SPDYA: variants seen among roughly 807,000 people sequenced by gnomAD.
SPDYA encodes speedy/RINGO cell cycle regulator family member A, also known as speedy protein A.
A neutral mutation model predicts 36.7 loss-of-function variants in SPDYA; 11 were observed. The observed-to-expected ratio is 0.30, with a 90% CI of 0.19 to 0.50. The LOEUF (loss-of-function observed/expected upper bound fraction) is 0.50, where lower values mean the gene tolerates loss of function less well. SPDYA is among the 20% of genes least tolerant of loss of function. The pLI is 0.98. For synonymous variants in SPDYA, 115 were observed against 118.7 expected (o/e 0.97, Z 0.20); for missense variants, 287 against 370.9 (o/e 0.77, Z 1.86).
chr2:28,815,554 A>T (rs960931732), intron 2 of SPDYA, among the ~76,000 whole-genome samples: 4 of 152,030 alleles, frequency 2.6e-5, no homozygotes, highest in Non-Finnish European at 5.9e-5. Flanking sequence ...ATACTTGATA[A>T]TACATTCTGG....
intron 5 of SPDYA, among the ~76,000 whole-genome samples, chr2:28,827,087 C>T (rs796895553): frequency 3.3e-5 from 5 of 151,818 alleles, no homozygotes; most frequent in African/African-American, 9.7e-5. Context: ...TACTGGCGCC[C>T]GCCACCACGC....
intron 3 of SPDYA, among the ~76,000 whole-genome samples, chr2:28,816,718 A>T (rs1572488292): frequency 6.6e-6 from 1 of 152,308 alleles, no homozygotes; most frequent in South Asian, 2.1e-4. Flanking sequence ...TTAAAAATTA[A>T]CTATGCTTTA....
intron 7 of SPDYA, among the ~76,000 whole-genome samples, chr2:28,847,607 G>A (rs1668911102): frequency 6.6e-6 from 1 of 151,580 alleles, no homozygotes; most frequent in Non-Finnish European, 1.5e-5. Context: ...TTAGCCGGGC[G>A]TGATGGCACA....
At chr2:28,823,943 T>G (rs1668247232) in intron 5 of SPDYA, among the ~76,000 whole-genome samples, 1 of 148,964 alleles carries the variant, frequency 6.7e-6, no homozygotes. Flanking sequence ...GATGAGGTTT[T>G]ACCACGTTGG....
intron 7 of SPDYA, among the ~76,000 whole-genome samples, chr2:28,841,776 C>G (rs1183650009): frequency 6.6e-6 from 1 of 152,160 alleles, no homozygotes; most frequent in Non-Finnish European, 1.5e-5. Flanking sequence ...TCAACACCTT[C>G]AGGCATATTT....
intron 5 of SPDYA, among the ~76,000 whole-genome samples, chr2:28,824,098 T>G (rs1018006253): frequency 3.3e-5 from 5 of 152,052 alleles, no homozygotes; most frequent in Non-Finnish European, 7.4e-5. Flanking sequence ...AAAAAATATT[T>G]AAGTTGAATA....
intron 7 of SPDYA, 89 bp downstream of exon 7, chr2:28,840,558 T>G: frequency 6.7e-7 from 1 of 1,500,248 alleles, no homozygotes; most frequent in African/African-American, 1.4e-5. Flanking sequence ...ACATAATAAT[T>G]TATATACTCC....
At chr2:28,840,610 C>T in intron 7 of SPDYA, 141 bp downstream of exon 7, 1 of 1,409,580 alleles carries the variant, frequency 7.1e-7, no homozygotes, top group Non-Finnish European at 9.2e-7. Flanking sequence ...TCTCCCCTTT[C>T]AGTTACTTTT....
intron 4 of SPDYA, among the ~76,000 whole-genome samples, chr2:28,819,845 AAAAAATATATATATATAT>A (rs1668100430): frequency 3.0e-5 from 1 of 33,072 alleles, no homozygotes; most frequent in African/African-American, 1.6e-4. Context: ...AAAAAAAAAA[AAAAAATATATATATATAT>A]ATATATATAT....
At chr2:28,823,159 A>G (rs879259010) in intron 5 of SPDYA, among the ~76,000 whole-genome samples, 10 of 152,126 alleles carry the variant, frequency 6.6e-5, no homozygotes, top group Non-Finnish European at 1.3e-4. Context: ...CATTATTCGT[A>G]TTTGATACCA....
Position 28,816,112 on chromosome 2 carries a change from C to T in SPDYA, c.98C>T (p.Thr33Ile). Residue 33 changes from threonine (T) to isoleucine (I), a missense_variant, in exon 3 of 8, where the codon ACT becomes ATT. Thr to Ile is a moderately conservative substitution (Grantham distance 89). Transcript: ENST00000334056. ...NRSHQPKKPI[T>I]LKRPICKDNW... ...TCACATCAGCCTAAAAAGCCCATTA[C>T]TCTGAAGCGTCCTATTTGTAAAGAT... The T allele has an allele frequency of 1.2e-6, 2 of 1,613,980 alleles. No homozygotes were observed. The highest frequency in any genetic ancestry group is 4.5e-5 in the East Asian group (2 of 44,860).
chr2:28,824,545 C>CTTTCTTTCTTTTTTTT (rs149401994), intron 5 of SPDYA, among the ~76,000 whole-genome samples: 11 of 121,874 alleles, frequency 9.0e-5, no homozygotes, highest in Admixed American at 5.5e-4. Flanking sequence ...TTTTTCTTTT[C>CTTTCTTTCTTTTTTTT]TTTCTTTCTT....
At chr2:28,816,358 T>A in intron 3 of SPDYA, 109 bp downstream of exon 3, 2 of 883,354 alleles carry the variant, frequency 2.3e-6, no homozygotes, top group Non-Finnish European at 3.2e-6. Context: ...ATTTTTGTAT[T>A]AAATTTCCCA....
At chr2:28,830,253 G>C (rs1158989263) in intron 6 of SPDYA, among the ~76,000 whole-genome samples, 15 of 147,134 alleles carry the variant, frequency 1.0e-4, no homozygotes, top group African/African-American at 3.3e-4. Context: ...ACCCAGGCTG[G>C]AGTGCAGTGG....
In SPDYA at chr2:28,829,272, G is replaced by A. The variant is rs1166992423; in HGVS notation, c.505G>A (p.Asp169Asn). ...CTTAAAGTTAAGGGACCAGCTCTGG[G>A]ATAGAATTGACTATAGGGCTATTGT... ...NFLKLRDQLWDRIDYRAIVSR... is the reference protein window; with the variant it reads ...NFLKLRDQLWNRIDYRAIVSR... The change falls in exon 6 of 8, where the codon GAT (aspartate) becomes AAT (asparagine). Residue 169 changes from aspartate to asparagine, a missense_variant. Coordinates refer to ENST00000334056, the MANE Select transcript of SPDYA (RefSeq NM_182756.4). The A allele has an allele frequency of 3.7e-6, 6 of 1,613,936 alleles. No homozygotes were observed. The Admixed American group carries it at 5.0e-5, about 13-fold the overall frequency.
Position 28,819,059 on chromosome 2 carries a change from A to T in SPDYA, c.247A>T (p.Ile83Phe). Residue 83 changes from isoleucine to phenylalanine, a missense_variant, in exon 4 of 8, where the codon ATT (isoleucine) becomes TTT (phenylalanine). Ile to Phe is a conservative substitution (Grantham distance 21). Transcript: ENST00000334056. Reference sequence around the variant, plus strand: ...ATCTTTTGTTGTAGATGACGATTTAATTCAAGATTTCTTGTGGATGGACTG... The same window carrying T: ...ATCTTTTGTTGTAGATGACGATTTATTTCAAGATTTCTTGTGGATGGACTG... Reference protein sequence around the residue: ...AFFKLFDDDLIQDFLWMDCCC... With the variant: ...AFFKLFDDDLFQDFLWMDCCC... The T allele has an allele frequency of 6.2e-7, 1 of 1,611,488 alleles. No homozygotes were observed. The highest frequency in any genetic ancestry group is 8.5e-7 in the Non-Finnish European group (1 of 1,178,798).
Position 28,811,668 on chromosome 2 carries a change from A to G in SPDYA, c.-93+721A>G, listed in dbSNP as rs1451730224. ...GTCTCTACAAAAAAATAATGAAAAA[A>G]AAAATTAACCGGGCATGGTGGTGCG... On this transcript the variant is annotated intron_variant, in intron 1 of 7. Transcript: ENST00000334056. This position sits in a 1 kb window ranked among gnomAD's most constrained non-coding sequence, Gnocchi z 4.2. 3.9e-5 allele frequency among the ~76,000 whole-genome samples: 6 copies of G among 152,112 alleles called. No homozygotes were observed. The highest frequency in any genetic ancestry group is 3.9e-4 in the Admixed American group (6 of 15,262).
At position 28,850,143 on chromosome 2, in the gene SPDYA, A is replaced by C; in HGVS notation, c.*202A>C. 6.7e-7 allele frequency: 1 copy of C among 1,488,250 alleles called. No individual in the cohort carries two copies. Among genetic ancestry groups the C allele is most frequent in the Non-Finnish European group, 9.3e-7 (1 of 1,079,186 alleles). The allele number at this position is 1,488,250 out of a possible 1,614,324, so 92.2% of individuals were successfully genotyped here. ...CTATGGAAGCAGTGATTTTCAATAT[A>C]AAGTTCTATTTTGATATTTTTCCAT... is the stretch of plus-strand genomic sequence containing the variant. On this transcript the variant is annotated 3_prime_UTR_variant, in exon 8 of 8. Coordinates refer to ENST00000334056, the MANE Select transcript of SPDYA (RefSeq NM_182756.4).
rs1669004348 is a variant in SPDYA, at chr2:28,850,017, G to A, written c.*76G>A. 10 of 1,286,218 alleles carry A rather than the reference G, an allele frequency of 7.8e-6. No individual in the cohort carries two copies. The South Asian group carries it at 9.0e-5, about 12-fold the overall frequency. 79.7% of individuals were successfully genotyped at this position (1,286,218 alleles called of 1,614,324 possible). A position where few individuals can be genotyped will look rare whatever the true frequency, so the allele number is the denominator to read the frequency against. The stretch of plus-strand genomic sequence containing the variant: ...AACTGCAAGACAAGTGTCAAAATGG[G>A]ATGTTTAAGCAGTTTTGCTATGTTA... On this transcript the variant is annotated 3_prime_UTR_variant, in exon 8 of 8. Transcript: ENST00000334056.
Sources: allele counts gnomAD v4.1 joint callset (sites outside exome capture counted in the v4.1 genomes callset), GRCh38; gene constraint gnomAD v4.1.1; non-coding constraint Gnocchi (gnomAD v3.1); transcripts MANE v1.5; gene names NCBI Gene and HGNC (gene_info 2026-07-23, HGNC 2026-07-21).